Variants in DAB1 observed in about 807,000 individuals in gnomAD.
The protein encoded by DAB1 is disabled homolog 1.
A neutral mutation model predicts 64.6 loss-of-function variants in DAB1; 15 were observed. The ratio of observed to expected loss-of-function variants is 0.23; its 90% CI spans 0.16 to 0.36. The LOEUF (loss-of-function observed/expected upper bound fraction) is 0.36, where lower values mean the gene tolerates loss of function less well. DAB1 is among the 10% of genes least tolerant of loss of function. The pLI, the probability that DAB1 is intolerant of heterozygous loss-of-function variation, is 1.00. For missense variants in DAB1, 596 were observed against 706.7 expected (o/e 0.84, Z 1.78); for synonymous variants, 235 against 251.9 (o/e 0.93, Z 0.64).
chr1:57,991,499 C>T (rs1349410687), intron 5 of DAB1, among the ~76,000 whole-genome samples: 1 of 152,082 alleles, frequency 6.6e-6, no homozygotes, highest in Non-Finnish European at 1.5e-5. Flanking sequence ...ATGAGCAGTA[C>T]TGTGACTGCC....
At chr1:57,481,527 A>G (rs963249024) in intron 7 of DAB1, among the ~76,000 whole-genome samples, 1 of 152,306 alleles carries the variant, frequency 6.6e-6, no homozygotes, top group South Asian at 2.1e-4. Context: ...AGCCACGATG[A>G]TGACGATGAT....
At chr1:57,031,581 C>T (rs1338423463) in intron 9 of DAB1, among the ~76,000 whole-genome samples, 2 of 152,218 alleles carry the variant, frequency 1.3e-5, no homozygotes, top group Non-Finnish European at 2.9e-5. Context: ...AAGTGACTCG[C>T]CTCTGATCAG....
chr1:58,095,379 T>C (rs936623063), intron 5 of DAB1, among the ~76,000 whole-genome samples: 3 of 152,222 alleles, frequency 2.0e-5, no homozygotes, highest in Admixed American at 6.5e-5. Flanking sequence ...ATAAGTACTA[T>C]CCGCATTCTA....
At chr1:57,112,183 G>T (rs1655720675) in intron 4 of DAB1, among the ~76,000 whole-genome samples, 1 of 152,174 alleles carries the variant, frequency 6.6e-6, no homozygotes, top group Admixed American at 6.5e-5. Flanking sequence ...CTTTATGTCT[G>T]TCTAGAAGTT....
At chr1:58,033,768 T>C (rs1332507120) in intron 5 of DAB1, among the ~76,000 whole-genome samples, 1 of 152,252 alleles carries the variant, frequency 6.6e-6, no homozygotes, top group Non-Finnish European at 1.5e-5. Flanking sequence ...ACAAAATTTC[T>C]GCTGATATTT....
chr1:58,080,725 G>A (rs1041757589), intron 5 of DAB1, among the ~76,000 whole-genome samples: 24 of 152,326 alleles, frequency 1.6e-4, no homozygotes, highest in Admixed American at 1.2e-3. Flanking sequence ...AAAGGCCTGT[G>A]TTGGGATCAA....
chr1:58,529,063 T>C (rs2100469577), intron 1 of DAB1, among the ~76,000 whole-genome samples: 1 of 152,168 alleles, frequency 6.6e-6, no homozygotes, highest in South Asian at 2.1e-4. Context: ...TCCTGGCGGG[T>C]CAGTGACAGA....
At chr1:57,489,058 G>A (rs919632603) in intron 7 of DAB1, among the ~76,000 whole-genome samples, 1 of 152,180 alleles carries the variant, frequency 6.6e-6, no homozygotes, top group Non-Finnish European at 1.5e-5. Context: ...GAATCAATCT[G>A]GGCAAATCCT....
chr1:57,367,293 T>G (rs912783878), intron 1 of DAB1, among the ~76,000 whole-genome samples: 1 of 151,366 alleles, frequency 6.6e-6, no homozygotes, highest in Admixed American at 6.6e-5. Context: ...CAAAAAAAAG[T>G]CACACAAAAT....
chr1:58,224,753 G>A (rs1348274073), intron 4 of DAB1, among the ~76,000 whole-genome samples: 1 of 152,142 alleles, frequency 6.6e-6, no homozygotes, highest in African/African-American at 2.4e-5. Flanking sequence ...AAACTGGCTA[G>A]CCATATGTAG....
chr1:58,364,804 T>C (rs1212945156), intron 3 of DAB1, among the ~76,000 whole-genome samples: 1 of 152,246 alleles, frequency 6.6e-6, no homozygotes, highest in East Asian at 1.9e-4. Context: ...AAGGCCATAG[T>C]GTTTACAATT....
intron 5 of DAB1, among the ~76,000 whole-genome samples, chr1:58,016,167 T>G (rs1308521873): frequency 6.6e-6 from 1 of 152,194 alleles, no homozygotes; most frequent in Non-Finnish European, 1.5e-5. Flanking sequence ...GTACATTTTT[T>G]TTTCTGCAAA....
chr1:57,880,355 CTT>C (rs1236867483), intron 1 of DAB1: 1 of 152,218 alleles, frequency 6.6e-6, no homozygotes. Context: ...AAACAACAAA[CTT>C]GAGCTTCCAC....
intron 6 of DAB1, among the ~76,000 whole-genome samples, chr1:57,682,925 C>T (rs1646653424): frequency 6.6e-6 from 1 of 152,170 alleles, no homozygotes; most frequent in African/African-American, 2.4e-5. Context: ...AGGGCCCTGT[C>T]TAGCTTCCCT....
chr1:57,795,275 A>G (rs1201289903), intron 6 of DAB1, among the ~76,000 whole-genome samples: 1 of 152,224 alleles, frequency 6.6e-6, no homozygotes, highest in Non-Finnish European at 1.5e-5. Context: ...TAGCAGAGAC[A>G]TCTATTTAAT....
intron 2 of DAB1, among the ~76,000 whole-genome samples, chr1:57,273,522 ACTGCCTGCCTGC>A (rs1261991604): frequency 0.012 from 1,130 of 96,540 alleles, 47 homozygotes; most frequent in African/African-American, 0.048. Flanking sequence ...ACCAAGCCTG[ACTGCCTGCCTGC>A]CTGCCTGCCT....
intron 7 of DAB1, among the ~76,000 whole-genome samples, chr1:57,503,031 G>C (rs1293120218): frequency 6.6e-6 from 1 of 152,206 alleles, no homozygotes; most frequent in Admixed American, 6.6e-5. Context: ...CTAAGACTCA[G>C]AGACCCAGGC....
At chr1:57,855,378 C>T (rs983693112) in intron 1 of DAB1, among the ~76,000 whole-genome samples, 3 of 152,124 alleles carry the variant, frequency 2.0e-5, no homozygotes, top group African/African-American at 7.2e-5. Context: ...AACGTCCCTG[C>T]CCCCATGGAG....
At chr1:57,669,075 C>T (rs932564364) in intron 6 of DAB1, among the ~76,000 whole-genome samples, 1 of 152,056 alleles carries the variant, frequency 6.6e-6, no homozygotes, top group African/African-American at 2.4e-5. Context: ...GTGTTCCTTA[C>T]ACCCGATCCT....
Sources: allele counts gnomAD v4.1 joint callset (sites outside exome capture counted in the v4.1 genomes callset), GRCh38; gene constraint gnomAD v4.1.1; transcripts MANE v1.5; gene names NCBI Gene and HGNC (gene_info 2026-07-23, HGNC 2026-07-21).